Variants in NAALADL2 observed in about 807,000 individuals in gnomAD.
NAALADL2 encodes the protein inactive N-acetylated-alpha-linked acidic dipeptidase-like protein 2.
A neutral mutation model predicts 87.2 loss-of-function variants in NAALADL2; 76 were observed. The observed-to-expected ratio is 0.87, with a 90% CI of 0.72 to 1.05. NAALADL2 has a LOEUF of 1.05. NAALADL2 is among the 50% of genes least tolerant of loss of function. The pLI, the probability that NAALADL2 is intolerant of heterozygous loss-of-function variation, is 0.00. For synonymous variants in NAALADL2, 354 were observed against 331.0 expected (o/e 1.07, Z -0.75); for missense variants, 1,089 against 945.8 (o/e 1.15, Z -1.99).
At chr3:174,814,783 T>C (rs953878878) in intron 3 of NAALADL2, among the ~76,000 whole-genome samples, 3 of 152,196 alleles carry the variant, frequency 2.0e-5, no homozygotes, top group Admixed American at 2.0e-4. Context: ...TGGCCTTCCA[T>C]ATAGCAGGCC....
intron 13 of NAALADL2, among the ~76,000 whole-genome samples, chr3:175,797,134 T>C (rs1753596496): frequency 1.3e-5 from 2 of 152,182 alleles, no homozygotes; most frequent in East Asian, 3.9e-4. Context: ...ATGTGTGTTG[T>C]AATTTCATTA....
chr3:174,718,929 G>A (rs59413784), intron 2 of NAALADL2, among the ~76,000 whole-genome samples: 2,609 of 152,230 alleles, frequency 0.017, 85 homozygotes, highest in African/African-American at 0.061. Context: ...AAAAAATGCA[G>A]TCTTTTTTCC....
At chr3:175,076,957 T>C (rs932337958) in intron 1 of NAALADL2, among the ~76,000 whole-genome samples, 1 of 152,202 alleles carries the variant, frequency 6.6e-6, no homozygotes, top group Non-Finnish European at 1.5e-5. Flanking sequence ...TGTTCTATAA[T>C]AATACATAAT....
At chr3:175,374,458 G>A (rs1211966785) in intron 5 of NAALADL2, among the ~76,000 whole-genome samples, 2 of 140,984 alleles carry the variant, frequency 1.4e-5, no homozygotes, top group Non-Finnish European at 3.1e-5. Flanking sequence ...GGAGGCTGAG[G>A]TAGAAGAATT....
chr3:175,230,888 A>T (rs1168245226), intron 2 of NAALADL2, among the ~76,000 whole-genome samples: 1 of 152,078 alleles, frequency 6.6e-6, no homozygotes, highest in Non-Finnish European at 1.5e-5. Flanking sequence ...ACAGGTGCAT[A>T]CCTTATGGAC....
At chr3:175,135,992 T>C (rs1284696323) in intron 2 of NAALADL2, among the ~76,000 whole-genome samples, 4 of 152,206 alleles carry the variant, frequency 2.6e-5, no homozygotes, top group East Asian at 3.9e-4. Flanking sequence ...AAAGTTCAAG[T>C]GTTACGGGGA....
chr3:175,279,125 G>C (rs1753959700), intron 4 of NAALADL2, among the ~76,000 whole-genome samples: 1 of 152,106 alleles, frequency 6.6e-6, no homozygotes, highest in South Asian at 2.1e-4. Context: ...GAAGTAGATG[G>C]ATCACCAGAC....
chr3:175,670,697 A>G (rs1428729891), intron 11 of NAALADL2, among the ~76,000 whole-genome samples: 1 of 150,752 alleles, frequency 6.6e-6, no homozygotes, highest in Non-Finnish European at 1.5e-5. Flanking sequence ...AAATGAAATA[A>G]TAAGGAACAT....
chr3:175,059,884 G>A (rs373703188), intron 1 of NAALADL2: 5 of 345,606 alleles, frequency 1.4e-5, no homozygotes, highest in Admixed American at 7.2e-5. Context: ...GGCAAGACAC[G>A]AGTTCACAGG....
intron 1 of NAALADL2, chr3:175,081,242 T>C (rs1420444109): frequency 6.6e-6 from 1 of 152,236 alleles, no homozygotes; most frequent in Non-Finnish European, 1.5e-5. Context: ...AGTGTAATTA[T>C]GTTATCAAAT....
chr3:175,196,011 A>G (rs1169111353), intron 2 of NAALADL2, among the ~76,000 whole-genome samples: 3 of 151,924 alleles, frequency 2.0e-5, no homozygotes, highest in Non-Finnish European at 2.9e-5. Context: ...TATTAAGCCC[A>G]TGGGGTTTGG....
At chr3:175,231,753 C>T (rs35675620) in intron 2 of NAALADL2, among the ~76,000 whole-genome samples, 1 of 151,962 alleles carries the variant, frequency 6.6e-6, no homozygotes, top group Non-Finnish European at 1.5e-5. Flanking sequence ...GTCAATGTTA[C>T]TGATATATTG....
At chr3:175,587,785 A>G (rs113004205) in intron 10 of NAALADL2, among the ~76,000 whole-genome samples, 1,723 of 152,220 alleles carry the variant, frequency 0.011, 33 homozygotes, top group African/African-American at 0.038. Context: ...GAGACTTTGC[A>G]TATGTGTGGA....
intron 9 of NAALADL2, among the ~76,000 whole-genome samples, chr3:175,549,898 T>A (rs1436051197): frequency 6.6e-6 from 1 of 152,024 alleles, no homozygotes; most frequent in African/African-American, 2.4e-5. Context: ...TCAATTTTAT[T>A]TGATTTTAAT....
chr3:175,647,971 C>T (rs907808803), intron 11 of NAALADL2, among the ~76,000 whole-genome samples: 2 of 152,126 alleles, frequency 1.3e-5, no homozygotes, highest in Non-Finnish European at 2.9e-5. Flanking sequence ...TGGGGTACCC[C>T]CAGTAGATCT....
chr3:175,610,465 A>G (rs1249626793), intron 10 of NAALADL2, among the ~76,000 whole-genome samples: 1 of 152,156 alleles, frequency 6.6e-6, no homozygotes, highest in Non-Finnish European at 1.5e-5. Context: ...AATTTTTCTC[A>G]TGACCACACA....
intron 4 of NAALADL2, among the ~76,000 whole-genome samples, chr3:175,275,904 C>T (rs988335622): frequency 6.0e-5 from 9 of 151,176 alleles, no homozygotes; most frequent in Admixed American, 2.6e-4. Context: ...AAAACTATTT[C>T]CTTTTCTAAA....
intron 13 of NAALADL2, among the ~76,000 whole-genome samples, chr3:175,781,655 C>CAAAA (rs777223385): frequency 6.1e-5 from 6 of 97,580 alleles, no homozygotes; most frequent in African/African-American, 1.6e-4. Context: ...TCATTTTTAG[C>CAAAA]AAAAAAAAAA....
chr3:175,645,965 C>T (rs1729952266), intron 11 of NAALADL2, among the ~76,000 whole-genome samples: 1 of 152,058 alleles, frequency 6.6e-6, no homozygotes, highest in Non-Finnish European at 1.5e-5. Context: ...AGTGGTCTGA[C>T]AGTGATTAGA....
Sources: allele counts gnomAD v4.1 joint callset (sites outside exome capture counted in the v4.1 genomes callset), GRCh38; gene constraint gnomAD v4.1.1; transcripts MANE v1.5; gene names NCBI Gene and HGNC (gene_info 2026-07-23, HGNC 2026-07-21).